THAP12: variants seen among roughly 807,000 people sequenced by gnomAD.
THAP12 encodes the protein 52 kDa repressor of the inhibitor of the protein kinase.
Under a neutral mutation model 63.0 loss-of-function variants are expected in THAP12, and 20 were observed. The ratio of observed to expected loss-of-function variants is 0.32; its 90% confidence interval spans 0.22 to 0.46. The LOEUF is 0.46. THAP12 is among the 20% of genes least tolerant of loss of function. The pLI is 1.00. For missense variants in THAP12, 568 were observed against 908.2 expected (o/e 0.63, Z 4.81); for synonymous variants, 264 against 328.4 (o/e 0.80, Z 2.12).
chr11:76,370,369 G>T (rs201506506), intron 1 of THAP12, among the ~76,000 whole-genome samples: 4 of 150,834 alleles, frequency 2.7e-5, no homozygotes, highest in Admixed American at 2.0e-4. Flanking sequence ...GTTTTTTGGG[G>T]TTTTTTTTTG....
chr11:76,360,898 T>C (rs968280978), intron 3 of THAP12, 58 bp downstream of exon 3: 1 of 1,126,854 alleles, frequency 8.9e-7, no homozygotes, highest in Non-Finnish European at 1.3e-6. Context: ...AATGCATCTG[T>C]ATTTGATTTC....
At chr11:76,354,942 TAA>T (rs1241324188) in intron 4 of THAP12, among the ~76,000 whole-genome samples, 1 of 152,094 alleles carries the variant, frequency 6.6e-6, no homozygotes, top group East Asian at 1.9e-4. Context: ...TCCTCATCCA[TAA>T]AGAGGGAAAT....
At chr11:76,360,449 C>A (rs1946590817) in intron 3 of THAP12, among the ~76,000 whole-genome samples, 1 of 152,200 alleles carries the variant, frequency 6.6e-6, no homozygotes, top group African/African-American at 2.4e-5. Flanking sequence ...ATCCTCAGAA[C>A]TGAAGGATAT....
chr11:76,369,216 C>A (rs1305353848), intron 1 of THAP12, among the ~76,000 whole-genome samples: 1 of 152,154 alleles, frequency 6.6e-6, no homozygotes, highest in East Asian at 1.9e-4. Flanking sequence ...ACAAGAATGA[C>A]TACAATGTAA....
At chr11:76,379,438 A>T (rs1946733992) in intron 1 of THAP12, among the ~76,000 whole-genome samples, 1 of 152,176 alleles carries the variant, frequency 6.6e-6, no homozygotes, top group African/African-American at 2.4e-5. Flanking sequence ...ACAAGGTCCT[A>T]CCTAAAGAAT....
At chr11:76,375,634 A>G (rs1165351464) in intron 1 of THAP12, among the ~76,000 whole-genome samples, 1 of 151,856 alleles carries the variant, frequency 6.6e-6, no homozygotes, top group Non-Finnish European at 1.5e-5. Flanking sequence ...CTGTTTTAAT[A>G]GCATTAAATA....
chr11:76,368,694 G>A (rs1247670898), intron 1 of THAP12: 3 of 152,122 alleles, frequency 2.0e-5, no homozygotes, highest in African/African-American at 7.2e-5. Context: ...AAATAGGGCC[G>A]AGTCAGCTGA....
intron 1 of THAP12, among the ~76,000 whole-genome samples, chr11:76,376,103 A>G (rs1946708030): frequency 6.6e-6 from 1 of 152,186 alleles, no homozygotes; most frequent in South Asian, 2.1e-4. Flanking sequence ...TTTGTTTGGG[A>G]TAAATGAAAA....
intron 2 of THAP12, among the ~76,000 whole-genome samples, chr11:76,362,645 C>G (rs766403146): frequency 6.6e-6 from 1 of 152,102 alleles, no homozygotes; most frequent in Admixed American, 6.5e-5. Context: ...TCTTTCACAC[C>G]GAGCAAATGT....
chr11:76,371,537 T>C (rs1296622846), intron 1 of THAP12, among the ~76,000 whole-genome samples: 3 of 152,198 alleles, frequency 2.0e-5, no homozygotes, highest in Admixed American at 1.3e-4. Flanking sequence ...CCTACATTTA[T>C]CTTACTATAT....
intron 1 of THAP12, chr11:76,368,563 T>TAAA (rs1386860867): frequency 2.0e-5 from 3 of 152,302 alleles, no homozygotes; most frequent in Admixed American, 2.0e-4. Flanking sequence ...TATTAAGACT[T>TAAA]ACTGTAAAGC....
At chr11:76,359,526 AAG>A (rs1946583577) in intron 3 of THAP12, 1 of 152,194 alleles carries the variant, frequency 6.6e-6, no homozygotes, top group Admixed American at 6.5e-5. Flanking sequence ...AACTTGACAA[AAG>A]GACTTTCAAA....
intron 2 of THAP12, among the ~76,000 whole-genome samples, chr11:76,364,998 C>T (rs1056804100): frequency 6.6e-6 from 1 of 152,128 alleles, no homozygotes; most frequent in African/African-American, 2.4e-5. Flanking sequence ...GTGGTTACCT[C>T]AGCCGGGTGT....
At chr11:76,365,330 T>C (rs1004205246) in intron 2 of THAP12, among the ~76,000 whole-genome samples, 2 of 148,854 alleles carry the variant, frequency 1.3e-5, no homozygotes, top group Non-Finnish European at 3.0e-5. Flanking sequence ...CTTGGGTGAG[T>C]AGAAATGGGG....
intron 1 of THAP12, among the ~76,000 whole-genome samples, chr11:76,380,178 T>A (rs1307794802): frequency 6.6e-6 from 1 of 152,126 alleles, no homozygotes; most frequent in African/African-American, 2.4e-5. Flanking sequence ...CCCTCTGTTA[T>A]CCCTACAATA....
intron 1 of THAP12, among the ~76,000 whole-genome samples, chr11:76,366,882 A>G (rs1360468104): frequency 1.3e-5 from 2 of 152,108 alleles, no homozygotes. Context: ...GACAGAGAAC[A>G]AGACAAAGTC....
rs544146351 is a variant in THAP12 at position 76,367,081 on chromosome 11, C to CT, written c.90-1110dup. Among the ~76,000 whole-genome samples, 404 of 145,464 alleles carry CT rather than the reference C, an allele frequency of 2.8e-3. 8 individuals carry two copies. In the East Asian group the frequency reaches 0.052, roughly 19 times the overall value. ...TCTTTCCTCAAATTTCTTTTCTTTT[C>CT]TTTTTTTTTTTTGAGACAGAGTTTT... On this transcript the variant is annotated intron_variant, in intron 1 of 4. Transcript: ENST00000260045.
chr11:76,374,633 A>G (rs1013399228), intron 1 of THAP12, among the ~76,000 whole-genome samples: 1 of 152,246 alleles, frequency 6.6e-6, no homozygotes, highest in South Asian at 2.1e-4. Flanking sequence ...AAAATTTATC[A>G]AAGCAATGAT....
At chr11:76,365,266 C>T (rs927239644) in intron 2 of THAP12, among the ~76,000 whole-genome samples, 6 of 149,662 alleles carry the variant, frequency 4.0e-5, no homozygotes, top group African/African-American at 1.5e-4. Flanking sequence ...TGCACTCCAG[C>T]CTGGGTGACA....
Sources: allele counts gnomAD v4.1 joint callset (sites outside exome capture counted in the v4.1 genomes callset), GRCh38; gene constraint gnomAD v4.1.1; transcripts MANE v1.5; gene names NCBI Gene and HGNC (gene_info 2026-07-23, HGNC 2026-07-21).